The following CDC73 variants were observed in gnomAD, a reference collection of about 807,000 sequenced individuals.
CDC73 encodes the protein parafibromin.
CDC73 carries 21 observed loss-of-function variants against 83.7 expected under a neutral mutation model. The observed-to-expected ratio is 0.25, with a 90% CI of 0.18 to 0.36. The LOEUF is 0.36. CDC73 is among the 10% of genes least tolerant of loss of function. The probability of loss-of-function intolerance (pLI) is 1.00; values close to 1 mark genes in which losing one functional copy is unlikely to be tolerated. For missense variants in CDC73, 342 were observed against 653.3 expected (o/e 0.52, Z 5.19); for synonymous variants, 224 against 212.9 (o/e 1.05, Z -0.45).
At chr1:193,198,335 T>C (rs1331710344) in intron 10 of CDC73, among the ~76,000 whole-genome samples, 1 of 152,218 alleles carries the variant, frequency 6.6e-6, no homozygotes, top group Non-Finnish European at 1.5e-5. Context: ...TGGAAAGTGA[T>C]TAAGTCATGA....
chr1:193,207,161 G>A (rs1677201323), intron 11 of CDC73, among the ~76,000 whole-genome samples: 1 of 152,142 alleles, frequency 6.6e-6, no homozygotes, highest in Non-Finnish European at 1.5e-5. Flanking sequence ...GAGCCACAAA[G>A]CCAGCAAGTT....
chr1:193,192,865 AAAGCCAGTCTT>A (rs754365056), intron 10 of CDC73, among the ~76,000 whole-genome samples: 66 of 152,348 alleles, frequency 4.3e-4, no homozygotes, highest in African/African-American at 1.3e-3. Flanking sequence ...TGAATGATCA[AAAGCCAGTCTT>A]AGGACCACAT....
rs201897186 is a variant in CDC73, at chr1:193,232,902, CA to C, written c.1155-79del. 0.13 allele frequency: 104,295 copies of C among 787,212 alleles called. 99 individuals carry two copies. The highest frequency in any genetic ancestry group is 0.22 in the South Asian group (8,259 of 38,102). The allele number at this position is 787,212 out of a possible 1,614,324, so 48.8% of individuals were successfully genotyped here. On this transcript the variant is annotated intron_variant, in intron 13 of 16. Coordinates refer to ENST00000367435, the MANE Select transcript of CDC73 (RefSeq NM_024529.5). ...TGGGCAATAAGAAAAAACTCTGTCT[CA>C]AAAAAAAAAAATATTTCAAATTATA...
Position 193,198,156 on chromosome 1 carries a change from A to T in CDC73, c.973-5639A>T, listed in dbSNP as rs138984929. The stretch of plus-strand genomic sequence containing the variant: ...CACCTGGCTGTATCAAGATTGGAGG[A>T]GTAGTAGTTTCTGATGGGAAGTAAA... On this transcript the variant is annotated intron_variant, in intron 10 of 16. Transcript: ENST00000367435. Among the ~76,000 whole-genome samples the T allele has an allele frequency of 2.1e-3, 318 of 152,242 alleles. 1 individual carries two copies. The highest frequency in any genetic ancestry group is 7.4e-3 in the African/African-American group (307 of 41,530).
chr1:193,208,288 G>A (rs1006025586), intron 11 of CDC73, among the ~76,000 whole-genome samples: 2 of 152,004 alleles, frequency 1.3e-5, no homozygotes, highest in Non-Finnish European at 2.9e-5. Flanking sequence ...TAGACCAGTG[G>A]GTCTCAGTGT....
chr1:193,126,115 C>T (rs958667970), intron 2 of CDC73, among the ~76,000 whole-genome samples: 2 of 152,058 alleles, frequency 1.3e-5, no homozygotes, highest in Admixed American at 6.6e-5. Context: ...AAACCCGAAA[C>T]GCTAAAAGTA....
intron 13 of CDC73, among the ~76,000 whole-genome samples, chr1:193,231,188 AT>A (rs1023207985): frequency 2.0e-5 from 3 of 152,168 alleles, no homozygotes; most frequent in Non-Finnish European, 2.9e-5. Flanking sequence ...TTTATAAGTA[AT>A]TTTGTACAAG....
intron 10 of CDC73, among the ~76,000 whole-genome samples, chr1:193,169,500 A>C (rs1417401945): frequency 6.6e-6 from 1 of 152,168 alleles, no homozygotes; most frequent in Non-Finnish European, 1.5e-5. Context: ...AGCCAAGATC[A>C]CATCACTGCA....
In CDC73 at chr1:193,130,127, G is replaced by GT. The variant is rs1558280127; in HGVS notation, c.238-46dup. ...TACATGTTAATATTTATTAAGTTGT[G>GT]TATCATTGTTATTCATTTCATATCT... On this transcript the variant is annotated intron_variant, in intron 2 of 16. Transcript: ENST00000367435. 4.8e-6 allele frequency: 4 copies of GT among 837,386 alleles called. No homozygotes were observed. In the South Asian group the frequency reaches 5.3e-5, roughly 11 times the overall value. 51.9% of individuals were successfully genotyped at this position (837,386 alleles called of 1,614,324 possible).
intron 10 of CDC73, among the ~76,000 whole-genome samples, chr1:193,187,739 A>T (rs1181817980): frequency 6.6e-6 from 1 of 152,122 alleles, no homozygotes; most frequent in Non-Finnish European, 1.5e-5. Flanking sequence ...ATTAAAAAAA[A>T]TTTTGTCCAC....
At chr1:193,205,842 G>C (rs1452019403) in intron 11 of CDC73, among the ~76,000 whole-genome samples, 1 of 152,104 alleles carries the variant, frequency 6.6e-6, no homozygotes, top group Non-Finnish European at 1.5e-5. Context: ...GGACAGATGG[G>C]GTTGGGCCCA....
At chr1:193,234,150 TTCTCTC>T (rs1301715434) in intron 14 of CDC73, among the ~76,000 whole-genome samples, 9 of 107,438 alleles carry the variant, frequency 8.4e-5, no homozygotes, top group African/African-American at 2.6e-4. Flanking sequence ...GGTAGGATAA[TTCTCTC>T]TCTCTCTCTC....
At chr1:193,193,780 AGTGTGTGTGT>A (rs71111459) in intron 10 of CDC73, among the ~76,000 whole-genome samples, 6,325 of 135,856 alleles carry the variant, frequency 0.047, 168 homozygotes, top group Non-Finnish European at 0.053. Context: ...TCTTACTTGT[AGTGTGTGTGT>A]GTGTGTGTGT....
At chr1:193,154,579 G>A (rs894837296) in intron 10 of CDC73, among the ~76,000 whole-genome samples, 1 of 152,170 alleles carries the variant, frequency 6.6e-6, no homozygotes, top group Non-Finnish European at 1.5e-5. Flanking sequence ...AAGGCATTGT[G>A]TAGGAATGCA....
chr1:193,133,697 A>G (rs1675735137), intron 3 of CDC73, among the ~76,000 whole-genome samples: 1 of 152,198 alleles, frequency 6.6e-6, no homozygotes, highest in African/African-American at 2.4e-5. Context: ...AAAAGACATG[A>G]CAAACTGGGA....
chr1:193,242,818 G>A (rs923844399), intron 15 of CDC73, among the ~76,000 whole-genome samples: 1 of 152,154 alleles, frequency 6.6e-6, no homozygotes, highest in Non-Finnish European at 1.5e-5. Context: ...CCCAAAAAAT[G>A]TTGGCAGCAT....
intron 15 of CDC73, among the ~76,000 whole-genome samples, chr1:193,248,145 C>CT (rs1388415196): frequency 6.6e-6 from 1 of 151,994 alleles, no homozygotes; most frequent in Non-Finnish European, 1.5e-5. Flanking sequence ...CAGATGGGGA[C>CT]TTTGAGTTGC....
At chr1:193,240,011 C>G (rs919778002) in intron 15 of CDC73, among the ~76,000 whole-genome samples, 1 of 152,156 alleles carries the variant, frequency 6.6e-6, no homozygotes, top group Non-Finnish European at 1.5e-5. Context: ...CTGCCACACA[C>G]ATACACACAC....
intron 11 of CDC73, among the ~76,000 whole-genome samples, chr1:193,210,581 G>A (rs1405590400): frequency 6.6e-6 from 1 of 152,090 alleles, no homozygotes; most frequent in African/African-American, 2.4e-5. Context: ...AAAGTTCATT[G>A]TATATAAACA....
Sources: allele counts gnomAD v4.1 joint callset (sites outside exome capture counted in the v4.1 genomes callset), GRCh38; gene constraint gnomAD v4.1.1; transcripts MANE v1.5; gene names NCBI Gene and HGNC (gene_info 2026-07-23, HGNC 2026-07-21).